GDA: variants seen among roughly 807,000 people sequenced by gnomAD.
GDA encodes the protein guanine deaminase, also known as cytoplasmic PSD-95 interactor.
GDA carries 18 observed loss-of-function variants against 59.6 expected under a neutral mutation model. The observed-to-expected ratio is 0.30, with a 90% CI of 0.21 to 0.45. The LOEUF (loss-of-function observed/expected upper bound fraction) is 0.45. Ranked by LOEUF, GDA falls within the 20% of genes least tolerant of loss-of-function variation. The pLI is 1.00. For synonymous variants in GDA, 201 were observed against 201.1 expected, an observed-to-expected ratio of 1.00 and a Z score of 0.00; for missense variants, 427 against 552.3, an observed-to-expected ratio of 0.77 and a Z score of 2.27.
chr9:72,149,343 C>A (rs1826845062), upstream of GDA: 1 of 547,022 alleles, frequency 1.8e-6, no homozygotes, highest in South Asian at 2.2e-5. Context: ...GCGGAGCCAA[C>A]TCGCGGGAGA....
At chr9:72,145,826 T>C (rs936907623), upstream of GDA, among the ~76,000 whole-genome samples, 2 of 152,204 alleles carry the variant, frequency 1.3e-5, no homozygotes, top group Admixed American at 6.5e-5. Flanking sequence ...TAAGTTCTAG[T>C]CCCAATGAAT....
At chr9:72,214,745 T>C in intron 5 of GDA, 1 of 343,302 alleles carries the variant, frequency 2.9e-6, no homozygotes, top group African/African-American at 2.3e-5. Flanking sequence ...TTTTCTTTTC[T>C]TTTTTTGAGA....
intron 1 of GDA, among the ~76,000 whole-genome samples, chr9:72,180,858 C>T (rs777095674): frequency 6.6e-6 from 1 of 152,114 alleles, no homozygotes; most frequent in Non-Finnish European, 1.5e-5. Context: ...AGCATATTAC[C>T]GACTACTTAT....
chr9:72,226,176 T>G (rs1209978868), intron 8 of GDA, among the ~76,000 whole-genome samples: 1 of 152,196 alleles, frequency 6.6e-6, no homozygotes, highest in Non-Finnish European at 1.5e-5. Flanking sequence ...AGCAGATGCA[T>G]TTCTAAGAAT....
At chr9:72,254,854 G>C (rs1217042437), downstream of GDA, among the ~76,000 whole-genome samples, 6 of 152,160 alleles carry the variant, frequency 3.9e-5, no homozygotes, top group Non-Finnish European at 8.8e-5. Context: ...AATGGCCTTG[G>C]TGATTTTTGT....
downstream of GDA, among the ~76,000 whole-genome samples, chr9:72,253,730 A>C (rs1297115166): frequency 6.6e-6 from 1 of 152,184 alleles, no homozygotes; most frequent in Non-Finnish European, 1.5e-5. Context: ...TCACATGCTT[A>C]ATTTAGCAAT....
chr9:72,221,910 A>G (rs565535547), intron 6 of GDA, among the ~76,000 whole-genome samples: 406 of 152,322 alleles, frequency 2.7e-3, no homozygotes, highest in African/African-American at 9.2e-3. Context: ...TTATGGCTGC[A>G]TAGTATTCCA....
At position 72,225,687 on chromosome 9, in the gene GDA, G is replaced by A. The variant is rs1189534003; in HGVS notation, c.725G>A (p.Ser242Asn). The A allele has an allele frequency of 3.4e-6, 5 of 1,466,478 alleles. No individual in the cohort carries two copies. The highest frequency in any genetic ancestry group is 2.8e-5 in the African/African-American group (2 of 71,576). 90.8% of individuals were successfully genotyped at this position (1,466,478 alleles called of 1,614,324 possible). ...ATTTTTTTCTTGTAGAGCCATATAAGTGAAAATCGTGATGAAGTTGAAGCT... is the reference window on the plus strand; with the variant it reads ...ATTTTTTTCTTGTAGAGCCATATAAATGAAAATCGTGATGAAGTTGAAGCT... Reference protein sequence around the residue: ...TRDLHIQSHISENRDEVEAVK... With the variant: ...TRDLHIQSHINENRDEVEAVK... Residue 242 changes from serine (S) to asparagine (N), a missense_variant, in exon 8 of 14, where the codon AGT becomes AAT. Ser to Asn is a conservative substitution (Grantham distance 46). Coordinates refer to ENST00000358399, the MANE Select transcript of GDA (RefSeq NM_004293.5).
intron 1 of GDA, among the ~76,000 whole-genome samples, chr9:72,174,762 A>C (rs1208325352): frequency 7.2e-6 from 1 of 138,688 alleles, no homozygotes. Context: ...ATATATATAT[A>C]GAGAGAGAGA....
rs185887912 is a variant in GDA, at chr9:72,193,099, A to C, written c.124-2401A>C. Among the ~76,000 whole-genome samples, 67 of 152,184 alleles carry C rather than the reference A, an allele frequency of 4.4e-4. 1 individual carries two copies. The highest frequency in any genetic ancestry group is 4.2e-3 in the Admixed American group (65 of 15,304). ...TTAAAGTCTCTTTCTGAAAGATTACATATCTTTCTCTCTCCTGGATTAATC... is the reference window on the plus strand; with the variant it reads ...TTAAAGTCTCTTTCTGAAAGATTACCTATCTTTCTCTCTCCTGGATTAATC... On this transcript the variant is annotated intron_variant, in intron 1 of 13. Coordinates refer to ENST00000358399, the MANE Select transcript of GDA (RefSeq NM_004293.5).
In GDA at chr9:72,129,859, A is replaced by T. The variant is rs145697090; in HGVS notation, c.-100+15026A>T. ...GAAGGGCAGGGGAGTTAACAGAATG[A>T]GTTGTGTATTTAAAGTCCCAGGTTA... On this transcript the variant is annotated intron_variant, in intron 1 of 13. Transcript: ENST00000545168. Among the ~76,000 whole-genome samples the T allele has an allele frequency of 5.6e-4, 85 of 152,284 alleles. No individual in the cohort carries two copies. In the East Asian group the frequency reaches 0.014, roughly 26 times the overall value.
At chr9:72,211,534 C>G (rs1318763432) in intron 4 of GDA, among the ~76,000 whole-genome samples, 1 of 152,226 alleles carries the variant, frequency 6.6e-6, no homozygotes, top group Non-Finnish European at 1.5e-5. Context: ...GGCTGATACA[C>G]TGATGCCACT....
chr9:72,209,433 A>G (rs1286037465), intron 3 of GDA, among the ~76,000 whole-genome samples: 1 of 152,032 alleles, frequency 6.6e-6, no homozygotes, highest in African/African-American at 2.4e-5. Flanking sequence ...TAATATTTTT[A>G]CTTTTGGAGA....
intron 1 of GDA, among the ~76,000 whole-genome samples, chr9:72,189,050 T>G (rs1182108248): frequency 6.6e-6 from 1 of 152,090 alleles, no homozygotes; most frequent in East Asian, 1.9e-4. Context: ...GCCCCACCAT[T>G]GTATTCTGGA....
chr9:72,114,976 T>C (rs1825386377), intron 1 of GDA: 1 of 152,170 alleles, frequency 6.6e-6, no homozygotes, highest in Non-Finnish European at 1.5e-5. Flanking sequence ...TTATTTTTGA[T>C]GGACCTGGTA....
At position 72,202,716 on chromosome 9, in the gene GDA, G is replaced by T; in HGVS notation, c.358G>T (p.Ala120Ser). The change falls in exon 3 of 14, where the codon GCA becomes TCA. Residue 120 changes from alanine to serine, a missense_variant. Physicochemically the swap from Ala to Ser is moderately conservative, Grantham distance 99 (BLOSUM62 1). Transcript: ENST00000358399. ...ACACAGATTCCAGAACATCGACTTT[G>T]CAGAAGAAGTATATACCAGAGTTGT... ...AEHRFQNIDF[A>S]EEVYTRVVRR... is the part of the protein sequence containing the mutation. The T allele has an allele frequency of 1.2e-6, 2 of 1,613,528 alleles. No individual in the cohort carries two copies. The highest frequency in any genetic ancestry group is 1.7e-6 in the Non-Finnish European group (2 of 1,179,836).
chr9:72,116,620 C>T (rs1825459250), intron 1 of GDA, among the ~76,000 whole-genome samples: 2 of 151,958 alleles, frequency 1.3e-5, no homozygotes, highest in East Asian at 1.9e-4. Flanking sequence ...CTCTTGACCT[C>T]GTGATCCACC....
intron 1 of GDA, among the ~76,000 whole-genome samples, chr9:72,166,904 A>G (rs1172260334): frequency 1.3e-5 from 2 of 152,190 alleles, no homozygotes; most frequent in Non-Finnish European, 2.9e-5. Flanking sequence ...GTGCTTAGAA[A>G]CATATCATTG....
rs1840390085 is a variant in GDA at position 72,248,553 on chromosome 9, A to G, written c.*211A>G. On this transcript the variant is annotated 3_prime_UTR_variant, in exon 14 of 14. Coordinates refer to ENST00000358399, the MANE Select transcript of GDA (RefSeq NM_004293.5). The stretch of plus-strand genomic sequence containing the variant: ...TTGAGAGGGTTCATAAATTTCATGA[A>G]AATATCTCCCTTTGGAGCTGCTCAG... 4 of 1,377,634 alleles carry G rather than the reference A, an allele frequency of 2.9e-6. No individual in the cohort carries two copies. The South Asian group carries it at 5.0e-5, about 17-fold the overall frequency. The allele number at this position is 1,377,634 out of a possible 1,614,324, so 85.3% of individuals were successfully genotyped here.
Sources: allele counts gnomAD v4.1 joint callset (sites outside exome capture counted in the v4.1 genomes callset), GRCh38; gene constraint gnomAD v4.1.1; transcripts MANE v1.5; gene names NCBI Gene and HGNC (gene_info 2026-07-23, HGNC 2026-07-21).